The following TTI1 variants were observed in gnomAD, a reference collection of about 807,000 sequenced individuals.
TTI1 encodes TELO2 interacting protein 1.
In TTI1, 52 loss-of-function variants were observed where a neutral mutation model predicts 85.4. The ratio of observed to expected loss-of-function variants is 0.61; its 90% CI spans 0.49 to 0.77. The LOEUF (loss-of-function observed/expected upper bound fraction) is 0.77. TTI1 is among the 30% of genes least tolerant of loss of function. The pLI, the probability that TTI1 is intolerant of heterozygous loss-of-function variation, is 0.00. For missense variants in TTI1, 1,173 were observed against 1,296.0 expected (o/e 0.91, Z 1.46); for synonymous variants, 512 against 503.9 (o/e 1.02, Z -0.22).
intron 4 of TTI1, among the ~76,000 whole-genome samples, chr20:37,999,852 G>C (rs531307376): frequency 6.6e-6 from 1 of 152,316 alleles, no homozygotes; most frequent in South Asian, 2.1e-4. Context: ...CAACTACAAA[G>C]GGGTTTGTTA....
chr20:37,983,420 G>A lies in TTI1; in HGVS notation c.*36C>T. ...AGCCCAGCTTCTGGCTGGCAGTAGG[G>A]GAGGGATCGGTGGCCTCTGTGGTGG... On this transcript the variant is annotated 3_prime_UTR_variant, in exon 8 of 8. Coordinates refer to ENST00000373447, the MANE Select transcript of TTI1 (RefSeq NM_001303457.2). 2 of 1,595,964 alleles carry A rather than the reference G, an allele frequency of 1.3e-6. No individual in the cohort carries two copies. The highest frequency in any genetic ancestry group is 1.7e-6 in the Non-Finnish European group (2 of 1,173,670).
intron 1 of TTI1, among the ~76,000 whole-genome samples, chr20:38,025,775 AT>A (rs1179441593): frequency 6.6e-6 from 1 of 152,176 alleles, no homozygotes; most frequent in Non-Finnish European, 1.5e-5. Context: ...ACAAGTGAAA[AT>A]TTTAGAAATG....
intron 3 of TTI1, chr20:38,005,728 T>C (rs1333173011): frequency 1.3e-5 from 2 of 153,086 alleles, no homozygotes; most frequent in South Asian, 2.1e-4. Flanking sequence ...CATTAAATTA[T>C]GTTCATATCC....
intron 1 of TTI1, among the ~76,000 whole-genome samples, chr20:38,025,942 G>A (rs1367125447): frequency 6.6e-6 from 1 of 152,220 alleles, no homozygotes; most frequent in South Asian, 2.1e-4. Flanking sequence ...AGAGCTTCAG[G>A]GAACCTGTGG....
intron 7 of TTI1, among the ~76,000 whole-genome samples, chr20:37,987,857 A>G (rs921230742): frequency 5.3e-5 from 8 of 152,136 alleles, no homozygotes; most frequent in African/African-American, 1.7e-4. Context: ...GTAAGTACCT[A>G]ATAAACTCCA....
At chr20:37,996,067 T>G (rs916575305) in intron 7 of TTI1, among the ~76,000 whole-genome samples, 2 of 152,224 alleles carry the variant, frequency 1.3e-5, no homozygotes, top group African/African-American at 4.8e-5. Context: ...GCCAGGCACC[T>G]GGTCTCCAGG....
At chr20:37,987,539 G>A (rs1182023187) in intron 7 of TTI1, 2 of 365,068 alleles carry the variant, frequency 5.5e-6, no homozygotes, top group Non-Finnish European at 1.1e-5. Flanking sequence ...GCTCCAGAGA[G>A]CACAGTTATC....
chr20:37,993,164 A>G lies in TTI1; in HGVS notation c.3086+3211T>C, dbSNP rs574177364. Among the ~76,000 whole-genome samples the G allele has an allele frequency of 2.4e-4, 36 of 149,290 alleles. 1 individual carries two copies. The South Asian group carries it at 7.7e-3, about 32-fold the overall frequency. ...GTTAACAGTGACACCTGGTGGTAAC[A>G]CACAGCAAGGTCACATCCTGCCCCC... On this transcript the variant is annotated intron_variant, in intron 7 of 7. Transcript: ENST00000373447.
intron 2 of TTI1, among the ~76,000 whole-genome samples, chr20:38,008,829 T>C (rs2073538567): frequency 6.6e-6 from 1 of 152,192 alleles, no homozygotes; most frequent in African/African-American, 2.4e-5. Context: ...TGAGTACTAC[T>C]TCCTGTTCAA....
At chr20:38,015,151 T>C (rs1262039611) in intron 1 of TTI1, among the ~76,000 whole-genome samples, 1 of 152,184 alleles carries the variant, frequency 6.6e-6, no homozygotes, top group Admixed American at 6.5e-5. Flanking sequence ...AGGCAAGTCG[T>C]GCCAGCGGGC....
intron 1 of TTI1, among the ~76,000 whole-genome samples, chr20:38,027,011 G>GAA (rs2073844779): frequency 6.6e-6 from 1 of 152,204 alleles, no homozygotes; most frequent in African/African-American, 2.4e-5. Flanking sequence ...TACATACAAA[G>GAA]AGATATACTC....
intron 3 of TTI1, among the ~76,000 whole-genome samples, chr20:38,004,732 C>T (rs1007760888): frequency 2.0e-5 from 3 of 152,232 alleles, no homozygotes; most frequent in Non-Finnish European, 4.4e-5. Context: ...TTGACTCTTT[C>T]AGTCTGCTCT....
At chr20:37,985,177 C>T (rs1011292998) in intron 7 of TTI1, among the ~76,000 whole-genome samples, 1 of 152,212 alleles carries the variant, frequency 6.6e-6, no homozygotes, top group African/African-American at 2.4e-5. Flanking sequence ...ATGTACTTCA[C>T]TCAGGGTTTT....
At chr20:38,020,405 T>TA (rs1197551096) in intron 1 of TTI1, among the ~76,000 whole-genome samples, 1 of 138,150 alleles carries the variant, frequency 7.2e-6, no homozygotes. Flanking sequence ...TGTAAAACAA[T>TA]AAAGCTTTCC....
chr20:37,996,794 C>T lies in TTI1; in HGVS notation c.2953G>A (p.Ala985Thr). 6.2e-7 allele frequency: 1 copy of T among 1,613,714 alleles called. No individual in the cohort carries two copies. Among genetic ancestry groups the T allele is most frequent in the Non-Finnish European group, 8.5e-7 (1 of 1,179,688 alleles). The change falls in exon 6 of 8, where the codon GCT becomes ACT. Residue 985 changes from alanine to threonine, a missense_variant. Physicochemically the swap from Ala to Thr is moderately conservative, Grantham distance 58. Coordinates refer to ENST00000373447, the MANE Select transcript of TTI1 (RefSeq NM_001303457.2). ...AGGGGGCCCAGGCCCTGTAAGACAG[C>T]CAGCTGCAACTTGAAGGCCAGCGTG... Reference protein sequence around the residue: ...SHTLAFKLQLAVLQGLGPLCE... With the variant: ...SHTLAFKLQLTVLQGLGPLCE...
At chr20:37,984,382 T>C (rs1046597103) in intron 7 of TTI1, among the ~76,000 whole-genome samples, 1 of 152,244 alleles carries the variant, frequency 6.6e-6, no homozygotes, top group African/African-American at 2.4e-5. Flanking sequence ...CCTGGGCTAC[T>C]GGACACCCCA....
At chr20:38,024,115 G>T (rs925654267) in intron 1 of TTI1, among the ~76,000 whole-genome samples, 1 of 152,228 alleles carries the variant, frequency 6.6e-6, no homozygotes, top group Non-Finnish European at 1.5e-5. Flanking sequence ...CTAAAAAAGG[G>T]ATTCTTAACT....
Position 38,010,557 on chromosome 20 carries a change from G to A in TTI1, c.2302+958C>T, listed in dbSNP as rs539079980. Among the ~76,000 whole-genome samples the A allele has an allele frequency of 5.7e-5, 8 of 139,706 alleles. No homozygotes were observed. The East Asian group carries it at 1.3e-3, about 23-fold the overall frequency. The allele number at this position is 139,706 out of a possible 152,430, so 91.7% of individuals were successfully genotyped here. On this transcript the variant is annotated intron_variant, in intron 2 of 7. Transcript: ENST00000373447. ...GCGATCTTGGCTCACTGCAAGCTCCGCTTCCCAGGTTCAGGCCATTCTCCT... is the reference window on the plus strand; with the variant it reads ...GCGATCTTGGCTCACTGCAAGCTCCACTTCCCAGGTTCAGGCCATTCTCCT...
In TTI1 at chr20:37,996,908, G is replaced by A. The variant is rs372246998; in HGVS notation, c.2839C>T (p.Arg947Trp). ...GSKCGDFLRSRFCKDVLPKLA... is the reference protein window; with the variant it reads ...GSKCGDFLRSWFCKDVLPKLA... ...TTTGGCAGGACATCTTTGCAGAACC[G>A]GCTGCGAAGAAAGTCACCACACTTG... is the stretch of plus-strand genomic sequence containing the variant. The change falls in exon 6 of 8, where the codon CGG becomes TGG. Residue 947 changes from arginine (R) to tryptophan (W), a missense_variant. By Grantham distance (101) the Arg-to-Trp change is moderately radical (BLOSUM62 -3). Coordinates refer to ENST00000373447, the MANE Select transcript of TTI1 (RefSeq NM_001303457.2). 8.7e-5 allele frequency: 141 copies of A among 1,613,998 alleles called. No individual in the cohort carries two copies. Among genetic ancestry groups the A allele is most frequent in the African/African-American group, 1.3e-4 (10 of 74,910 alleles).
Sources: gnomAD v4.1 joint callset for allele counts (sites outside exome capture counted in the v4.1 genomes callset) on GRCh38, gnomAD v4.1.1 for gene constraint, MANE v1.5 for transcripts, NCBI Gene and HGNC (gene_info 2026-07-23, HGNC 2026-07-21) for gene names.